The following MYO1H variants were observed in gnomAD, a reference collection of about 807,000 sequenced individuals.
MYO1H encodes myosin IH, also known as unconventional myosin-Ih.
MYO1H carries 118 observed loss-of-function variants against 149.3 expected under a neutral mutation model. The ratio of observed to expected loss-of-function variants is 0.79; its 90% CI spans 0.68 to 0.92. MYO1H has a LOEUF of 0.92. MYO1H is among the 40% of genes least tolerant of loss of function. MYO1H has a pLI of 0.00. For synonymous variants in MYO1H, 447 were observed against 465.2 expected, an observed-to-expected ratio of 0.96 and a Z score of 0.50; for missense variants, 1,212 against 1,280.7, an observed-to-expected ratio of 0.95 and a Z score of 0.82.
chr12:109,385,839 C>A (rs1323826661), intron 1 of MYO1H, among the ~76,000 whole-genome samples: 1 of 152,158 alleles, frequency 6.6e-6, no homozygotes, highest in Admixed American at 6.5e-5. Context: ...TATATTCATA[C>A]CTCCAGCCAA....
chr12:109,318,981 T>TTG, the MYO1H span, among the ~76,000 whole-genome samples: 3 of 49,640 alleles, frequency 6.0e-5, no homozygotes, highest in African/African-American at 2.2e-4. Flanking sequence ...TGTTTTTTTT[T>TTG]TTTTTTTTTT....
chr12:109,408,232 T>C (rs1870487078), intron 10 of MYO1H, among the ~76,000 whole-genome samples: 1 of 152,142 alleles, frequency 6.6e-6, no homozygotes, highest in Non-Finnish European at 1.5e-5. Flanking sequence ...TGGGGTGCAG[T>C]GGTGCAATCA....
Position 109,407,914 on chromosome 12 carries a change from G to T in MYO1H, c.1155+1G>T. The T allele has an allele frequency of 6.2e-7, 1 of 1,613,892 alleles. No homozygotes were observed. The highest frequency in any genetic ancestry group is 8.5e-7 in the Non-Finnish European group (1 of 1,179,890). On this transcript the variant is annotated splice_donor_variant, in intron 10 of 31. Coordinates refer to ENST00000310903, the Ensembl canonical transcript of MYO1H. LOFTEE classifies it high-confidence loss of function. Reference sequence around the variant, plus strand: ...AATCAATTCCTCCTTAGTTAACAAGGTTGGTCAACGCATTTTGGATCCCTT... The same window carrying T: ...AATCAATTCCTCCTTAGTTAACAAGTTTGGTCAACGCATTTTGGATCCCTT...
At chr12:109,411,067 C>CG (rs1870647617) in intron 13 of MYO1H, among the ~76,000 whole-genome samples, 1 of 151,980 alleles carries the variant, frequency 6.6e-6, no homozygotes, top group Non-Finnish European at 1.5e-5. Context: ...GCTTGAACCC[C>CG]GGAGGCAGAG....
At chr12:109,333,014 T>C in the MYO1H span, among the ~76,000 whole-genome samples, 1 of 152,252 alleles carries the variant, frequency 6.6e-6, no homozygotes, top group South Asian at 2.1e-4. Flanking sequence ...TTTGGACTTG[T>C]TCATTTAAAA....
chr12:109,329,863 G>A, the MYO1H span, among the ~76,000 whole-genome samples: 1 of 152,276 alleles, frequency 6.6e-6, no homozygotes, highest in African/African-American at 2.4e-5. Flanking sequence ...TTTGTTCCTA[G>A]AATTCCACGT....
chr12:109,332,497 A>G, the MYO1H span, among the ~76,000 whole-genome samples: 4 of 152,234 alleles, frequency 2.6e-5, no homozygotes, highest in African/African-American at 7.2e-5. Context: ...CCTTGTGGCC[A>G]CAGACCAAGT....
At chr12:109,396,830 T>TG (rs1869936305) in intron 4 of MYO1H, among the ~76,000 whole-genome samples, 1 of 131,020 alleles carries the variant, frequency 7.6e-6, no homozygotes, top group Admixed American at 7.6e-5. Context: ...TTTTTTTTTT[T>TG]TTTTTTTTTT....
At chr12:109,398,214 G>A (rs181198043) in intron 5 of MYO1H, among the ~76,000 whole-genome samples, 1 of 147,420 alleles carries the variant, frequency 6.8e-6, no homozygotes, top group East Asian at 2.0e-4. Flanking sequence ...CTACAGATGC[G>A]TAAGCATGTC....
intron 1 of MYO1H, among the ~76,000 whole-genome samples, chr12:109,356,434 G>A (rs887670537): frequency 1.3e-5 from 2 of 151,822 alleles, no homozygotes; most frequent in African/African-American, 4.8e-5. Context: ...ATTCTTTTAG[G>A]TAAACAACTT....
At chr12:109,442,098 C>T (rs1872160629) in intron 26 of MYO1H, 119 bp from the exon 27 acceptor site, 1 of 813,528 alleles carries the variant, frequency 1.2e-6, no homozygotes, top group Non-Finnish European at 2.1e-6. Flanking sequence ...TTCCTGATGG[C>T]TATTTCCCCA....
the MYO1H span, among the ~76,000 whole-genome samples, chr12:109,318,972 G>GTTTTTGTTTTTTTTTTTTTTTTTTTTTT: frequency 1.3e-5 from 1 of 77,258 alleles, no homozygotes; most frequent in Non-Finnish European, 2.5e-5. Context: ...TTTTGGTTTT[G>GTTTTTGTTTTTTTTTTTTTTTTTTTTTT]TTTTTTTTTT....
intron 14 of MYO1H, among the ~76,000 whole-genome samples, chr12:109,413,065 C>T (rs1026415286): frequency 1.3e-5 from 2 of 152,098 alleles, no homozygotes; most frequent in African/African-American, 4.8e-5. Flanking sequence ...CAACCTCCAC[C>T]TCCCGGGTTC....
the MYO1H span, among the ~76,000 whole-genome samples, chr12:109,315,599 A>G: frequency 6.6e-6 from 1 of 152,190 alleles, no homozygotes; most frequent in South Asian, 2.1e-4. Context: ...TTAAAAATCG[A>G]AAAGTTGGCC....
intron 9 of MYO1H, 28 bp downstream of exon 9, chr12:109,406,888 C>T (rs745662686): frequency 6.3e-7 from 1 of 1,595,964 alleles, no homozygotes; most frequent in Non-Finnish European, 8.6e-7. Flanking sequence ...TGGAAATGTG[C>T]CAGCCCTCCC....
intron 1 of MYO1H, among the ~76,000 whole-genome samples, chr12:109,379,287 C>CT (rs1274877162): frequency 2.6e-5 from 4 of 152,200 alleles, no homozygotes; most frequent in African/African-American, 9.6e-5. Flanking sequence ...TCTTTTGAAA[C>CT]TTGAGATTTA....
intron 1 of MYO1H, chr12:109,354,053 AATC>A (rs1156515189): frequency 6.6e-6 from 1 of 151,688 alleles, no homozygotes; most frequent in African/African-American, 2.4e-5. Flanking sequence ...ATTCTTCTGT[AATC>A]AAACAAAAAG....
chr12:109,354,622 A>AG, intron 1 of MYO1H, among the ~76,000 whole-genome samples: 1 of 146,576 alleles, frequency 6.8e-6, no homozygotes, highest in Non-Finnish European at 1.5e-5. Flanking sequence ...TCTGTCTAAA[A>AG]AAAAAAAAAA....
chr12:109,310,981 T>G, the MYO1H span, among the ~76,000 whole-genome samples: 3 of 152,264 alleles, frequency 2.0e-5, no homozygotes, highest in African/African-American at 7.2e-5. Context: ...GAATGACATA[T>G]AATTAATTCA....
Sources: allele counts gnomAD v4.1 joint callset (sites outside exome capture counted in the v4.1 genomes callset), GRCh38; gene constraint gnomAD v4.1.1; transcripts MANE v1.5; gene names NCBI Gene and HGNC (gene_info 2026-07-23, HGNC 2026-07-21).